CDH23: variants seen among roughly 807,000 people sequenced by gnomAD.
CDH23 encodes the protein cadherin related 23, also known as cadherin-23.
CDH23 carries 189 observed loss-of-function variants against 317.1 expected under a neutral mutation model. That is an observed-to-expected ratio of 0.60 (90% CI 0.53 to 0.67). CDH23 has a LOEUF of 0.67. CDH23 is among the 30% of genes least tolerant of loss of function. The pLI is 0.00. For synonymous variants in CDH23, 1,839 were observed against 1,876.8 expected (o/e 0.98, Z 0.52); for missense variants, 4,401 against 4,592.4 (o/e 0.96, Z 1.20).
intron 11 of CDH23, among the ~76,000 whole-genome samples, chr10:71,639,274 T>C (rs1402751627): frequency 3.3e-5 from 5 of 152,114 alleles, no homozygotes; most frequent in African/African-American, 1.2e-4. Flanking sequence ...TCCAACAAAA[T>C]CGCCCCTCTG....
rs1162918069 is a variant in CDH23 at position 71,797,183 on chromosome 10, C to T, written c.6792C>T (p.Ala2264=). Residue 2264 remains alanine, a synonymous_variant, in exon 49 of 70, where the codon GCC becomes GCT. Transcript: ENST00000224721. ...YEVTLSVIDN[A]SDLPERSVSV... ...TCACTCTCTCAGTGATTGACAATGC[C>T]AGCGACCTACCAGAGCGCTCTGTCA... The T allele has an allele frequency of 8.1e-6, 13 of 1,613,252 alleles. No individual in the cohort carries two copies. The African/African-American group carries it at 1.7e-4, about 22-fold the overall frequency.
At chr10:71,667,694 G>A (rs957791654) in intron 14 of CDH23, among the ~76,000 whole-genome samples, 1 of 152,074 alleles carries the variant, frequency 6.6e-6, no homozygotes, top group Non-Finnish European at 1.5e-5. Flanking sequence ...AATGGAAAAG[G>A]GTGAGAGATG....
At chr10:71,496,824 G>GGATGGCAGCCTC (rs368531457) in intron 3 of CDH23, among the ~76,000 whole-genome samples, 9 of 124,426 alleles carry the variant, frequency 7.2e-5, no homozygotes, top group Non-Finnish European at 1.3e-4. Flanking sequence ...TATGTGGTCT[G>GGATGGCAGCCTC]GTGTACAGAT....
chr10:71,408,834 CAT>C (rs1318213785), intron 1 of CDH23, among the ~76,000 whole-genome samples: 5 of 152,156 alleles, frequency 3.3e-5, no homozygotes, highest in African/African-American at 1.2e-4. Context: ...CAGGTGTAGA[CAT>C]AGTTTATCTG....
chr10:71,401,992 T>G (rs1056873475), intron 1 of CDH23, among the ~76,000 whole-genome samples: 1 of 152,210 alleles, frequency 6.6e-6, no homozygotes, highest in Non-Finnish European at 1.5e-5. Flanking sequence ...GAGAAAGGTG[T>G]CAGCCAGAAA....
chr10:71,566,707 G>A (rs758988857), intron 6 of CDH23, 35 bp from the exon 7 acceptor site: 2 of 1,548,504 alleles, frequency 1.3e-6, no homozygotes, highest in Non-Finnish European at 1.8e-6. Context: ...CTCCGCACTG[G>A]CTCACCCTTG....
chr10:71,570,981 T>G, intron 8 of CDH23, 63 bp downstream of exon 8: 2 of 1,580,680 alleles, frequency 1.3e-6, no homozygotes, highest in Non-Finnish European at 8.7e-7. Context: ...TCTGAGCTCC[T>G]GTTAGGGATG....
intron 35 of CDH23, 96 bp downstream of exon 35, chr10:71,738,743 A>G (rs1589388034): frequency 7.0e-7 from 1 of 1,419,586 alleles, no homozygotes; most frequent in Non-Finnish European, 9.5e-7. Context: ...CCCCATCACC[A>G]AGCACCAGGT....
intron 1 of CDH23, 150 bp from the exon 2 acceptor site, chr10:71,439,677 G>A: frequency 4.8e-6 from 3 of 623,482 alleles, no homozygotes; most frequent in Non-Finnish European, 8.6e-6. Flanking sequence ...TTTCTCCCAT[G>A]TGCTCCTAAA....
intron 9 of CDH23, among the ~76,000 whole-genome samples, chr10:71,583,184 G>A (rs1339263585): frequency 6.6e-6 from 1 of 151,774 alleles, no homozygotes; most frequent in Non-Finnish European, 1.5e-5. Context: ...CAGTAGGAGA[G>A]GAGCCACATT....
At chr10:71,647,773 G>A (rs916838484) in intron 14 of CDH23, 33 of 152,254 alleles carry the variant, frequency 2.2e-4, no homozygotes, top group African/African-American at 6.5e-4. Context: ...GAATTACACC[G>A]TCTGAGAATG....
intron 9 of CDH23, among the ~76,000 whole-genome samples, chr10:71,612,790 G>C (rs1860979328): frequency 6.6e-6 from 1 of 152,194 alleles, no homozygotes; most frequent in African/African-American, 2.4e-5. Context: ...CACTGCCTCT[G>C]CTTCACCCAG....
intron 55 of CDH23, among the ~76,000 whole-genome samples, chr10:71,804,390 G>A (rs1233548528): frequency 6.6e-6 from 1 of 152,136 alleles, no homozygotes; most frequent in Non-Finnish European, 1.5e-5. Context: ...TTTGTCTTCT[G>A]CTCTCCCCCT....
In CDH23 at chr10:71,813,533, C is replaced by CT. The variant is rs1390264305; in HGVS notation, c.9738+185_9738+186insT. ...CTTTCTGGGCTTTTGGGGGCTTTCACAGGAATGGGGTAGTCTCTAAGGCAG... is the reference window on the plus strand; with the variant it reads ...CTTTCTGGGCTTTTGGGGGCTTTCACTAGGAATGGGGTAGTCTCTAAGGCAG... On this transcript the variant is annotated intron_variant, in intron 69 of 69. Transcript: ENST00000224721. 3.9e-5 allele frequency among the ~76,000 whole-genome samples: 6 copies of CT among 152,226 alleles called. No individual in the cohort carries two copies. In the South Asian group the frequency reaches 1.0e-3, roughly 26 times the overall value.
chr10:71,606,734 A>G (rs1275844276), intron 9 of CDH23, among the ~76,000 whole-genome samples: 1 of 151,974 alleles, frequency 6.6e-6, no homozygotes, highest in Admixed American at 6.6e-5. Flanking sequence ...ATGGAGAGAG[A>G]GTGACAGGGG....
At chr10:71,750,983 AT>A (rs1839983967) in intron 38 of CDH23, 1 of 445,268 alleles carries the variant, frequency 2.2e-6, no homozygotes, top group South Asian at 4.2e-5. Flanking sequence ...GATGTAAGTC[AT>A]TTGGCATCTG....
At chr10:71,411,427 C>T (rs1848338329) in intron 1 of CDH23, among the ~76,000 whole-genome samples, 1 of 152,010 alleles carries the variant, frequency 6.6e-6, no homozygotes, top group African/African-American at 2.4e-5. Context: ...GTATTATTAA[C>T]TTGTCATATA....
At chr10:71,618,742 C>T (rs1231805891) in intron 11 of CDH23, among the ~76,000 whole-genome samples, 2 of 152,170 alleles carry the variant, frequency 1.3e-5, no homozygotes, top group African/African-American at 4.8e-5. Context: ...CCCCCTCTGG[C>T]AGCTCCTCTC....
chr10:71,425,860 G>A (rs72642225), intron 1 of CDH23, among the ~76,000 whole-genome samples: 1,531 of 152,340 alleles, frequency 0.01, 49 homozygotes, highest in East Asian at 0.079. Flanking sequence ...TCACGGAGGT[G>A]TTCTGGCAGC....
Sources: gnomAD v4.1 joint callset for allele counts (sites outside exome capture counted in the v4.1 genomes callset) on GRCh38, gnomAD v4.1.1 for gene constraint, MANE v1.5 for transcripts, NCBI Gene and HGNC (gene_info 2026-07-23, HGNC 2026-07-21) for gene names.